RALGDS: variants seen among roughly 807,000 people sequenced by gnomAD.
RALGDS encodes ral guanine nucleotide exchange factor.
In RALGDS, 44 loss-of-function variants were observed where a neutral mutation model predicts 99.8. That is an observed-to-expected ratio of 0.44 (90% CI 0.35 to 0.57). The LOEUF (loss-of-function observed/expected upper bound fraction) is 0.57, where lower values mean the gene tolerates loss of function less well. Ranked by LOEUF, RALGDS falls within the 20% of genes least tolerant of loss-of-function variation. RALGDS has a pLI of 0.01. For missense variants in RALGDS, 1,022 were observed against 1,203.1 expected (o/e 0.85, Z 2.23); for synonymous variants, 529 against 505.0 (o/e 1.05, Z -0.64).
rs757560244 is a variant in RALGDS at position 133,112,131 on chromosome 9, C to T, written c.205G>A (p.Glu69Lys). 6.4e-7 allele frequency: 1 copy of T among 1,571,242 alleles called. No individual in the cohort carries two copies. The highest frequency in any genetic ancestry group is 8.6e-7 in the Non-Finnish European group (1 of 1,157,340). The change falls in exon 2 of 18, where the codon GAG becomes AAG. Residue 69 changes from glutamate to lysine, a missense_variant. Physicochemically the swap from Glu to Lys is moderately conservative, Grantham distance 56. This residue lies in a region of RALGDS where 180 missense variants were observed against 169.3 expected (regional missense o/e 1.06). Coordinates refer to ENST00000372050, the MANE Select transcript of RALGDS (RefSeq NM_006266.4). ...TAGATGACTCCGTTGATCAGCTCCT[C>T]ACCGATCTCCTGCGTGGAGCTCTGT... ...RPESSTQEIGEELINGVIYSI... is the reference protein window; with the variant it reads ...RPESSTQEIGKELINGVIYSI...
chr9:133,113,878 C>T (rs563586531), intron 1 of RALGDS, among the ~76,000 whole-genome samples: 17 of 152,302 alleles, frequency 1.1e-4, no homozygotes, highest in African/African-American at 4.1e-4. Context: ...TCTGAGATCT[C>T]GTGCAGGACA....
upstream of RALGDS, among the ~76,000 whole-genome samples, chr9:133,122,434 C>A (rs1267961078): frequency 6.6e-6 from 1 of 152,228 alleles, no homozygotes; most frequent in Non-Finnish European, 1.5e-5. Context: ...CATCTGTAAA[C>A]TGAGAGGGCG....
chr9:133,101,009 A>G, intron 16 of RALGDS: 2 of 1,054,408 alleles, frequency 1.9e-6, no homozygotes, highest in Non-Finnish European at 2.3e-6. Context: ...AGGATGAAGA[A>G]AGAGCCCCCA....
intron 7 of RALGDS, 140 bp downstream of exon 7, chr9:133,106,945 C>T (rs1302906908): frequency 3.0e-6 from 3 of 1,010,240 alleles, no homozygotes; most frequent in Non-Finnish European, 4.5e-6. Flanking sequence ...CGTGAGCATC[C>T]AGGCAGTGGG....
chr9:133,146,797 CAG>C (rs1292747264), intron 1 of RALGDS, among the ~76,000 whole-genome samples: 2 of 152,340 alleles, frequency 1.3e-5, no homozygotes, highest in South Asian at 2.1e-4. Context: ...GCCTGCCCTA[CAG>C]AGAGACCCAC....
At chr9:133,108,604 T>G in intron 5 of RALGDS, 69 bp downstream of exon 5, 1 of 1,579,554 alleles carries the variant, frequency 6.3e-7, no homozygotes, top group South Asian at 1.1e-5. Context: ...CCCTGGAGCC[T>G]CCTCTTCGTG....
chr9:133,108,448 G>A (rs1199325895), intron 5 of RALGDS, 42 bp from the exon 6 acceptor site: 5 of 1,517,052 alleles, frequency 3.3e-6, no homozygotes, highest in Admixed American at 2.0e-5. Flanking sequence ...AGCCTTTCCT[G>A]TGCCTTTCCA....
At chr9:133,102,199 C>T (rs76832424) in intron 14 of RALGDS, 60 bp from the exon 15 acceptor site, 246,367 of 1,505,312 alleles carry the variant, frequency 0.16, 21,046 homozygotes, top group East Asian at 0.27. Context: ...AACCCCACAG[C>T]CCCTGCACCC....
Position 133,108,347 on chromosome 9 carries a change from C to T in RALGDS, c.838G>A (p.Ala280Thr). 1 of 1,541,040 alleles carries T rather than the reference C, an allele frequency of 6.5e-7. No individual in the cohort carries two copies. Among genetic ancestry groups the T allele is most frequent in the African/African-American group, 1.4e-5 (1 of 73,168 alleles). The change falls in exon 6 of 18, where the codon GCT (alanine) becomes ACT (threonine). Residue 280 changes from alanine to threonine, a missense_variant. Transcript: ENST00000372050. ...GCCGGCACTGGGCTGGGTGCTCGAG[C>T]TGGTGTTAGAGCTAGCTCGAGCTCT... ...TPELELALTP[A>T]RAPSPVPAPA...
In RALGDS at chr9:133,107,199, A is replaced by G; in HGVS notation, c.1299T>C (p.Thr433=). The change falls in exon 7 of 18, where the codon ACT becomes ACC. Residue 433 remains threonine, a synonymous_variant. Coordinates refer to ENST00000372050, the MANE Select transcript of RALGDS (RefSeq NM_006266.4). ...TGGCCACACTGTTGAACTGGGTGAC[A>G]GTGGCGCGGATGGTGGGCGCCAGGT... ...KEHLAPTIRA[T]VTQFNSVANC... 1.4e-5 allele frequency: 23 copies of G among 1,613,750 alleles called. No homozygotes were observed. The highest frequency in any genetic ancestry group is 1.9e-5 in the Non-Finnish European group (22 of 1,180,032).
upstream of RALGDS, among the ~76,000 whole-genome samples, chr9:133,136,112 C>T (rs572318227): frequency 1.3e-5 from 2 of 152,232 alleles, no homozygotes; most frequent in South Asian, 4.1e-4. Context: ...AGGTGCCGGG[C>T]ACTATTCAAG....
At chr9:133,127,219 G>A (rs1832189556) in intron 1 of RALGDS, among the ~76,000 whole-genome samples, 1 of 152,286 alleles carries the variant, frequency 6.6e-6, no homozygotes, top group Non-Finnish European at 1.5e-5. Context: ...GCCCCAGACA[G>A]TGGGCTTTGG....
Position 133,107,979 on chromosome 9 carries a change from G to A in RALGDS, c.1197+9C>T, listed in dbSNP as rs749351512. The A allele has an allele frequency of 6.2e-7, 1 of 1,612,938 alleles. No homozygotes were observed. Among genetic ancestry groups the A allele is most frequent in the South Asian group, 1.1e-5 (1 of 91,086 alleles). The stretch of plus-strand genomic sequence containing the variant: ...GCCCACCCCTGCCCTGCCAAGCTGA[G>A]CTGCTCACCGCATCCATCAGTGTAA... On this transcript the variant is annotated intron_variant, in intron 6 of 17. Transcript: ENST00000372050.
At chr9:133,138,209 C>T (rs536435009) in intron 1 of RALGDS, among the ~76,000 whole-genome samples, 93 of 152,332 alleles carry the variant, frequency 6.1e-4, no homozygotes, top group African/African-American at 2.2e-3. Context: ...CTCTTTCTCA[C>T]AGTCCTTTGC....
chr9:133,108,544 C>A, intron 5 of RALGDS, 129 bp downstream of exon 5: 1 of 1,419,634 alleles, frequency 7.0e-7, no homozygotes, highest in South Asian at 1.2e-5. Flanking sequence ...TGCCTGTGGT[C>A]CCTGCCTGTG....
rs915655966 is a variant in RALGDS, at chr9:133,121,236, C to G, written c.-82G>C. 1 of 980,982 alleles carries G rather than the reference C, an allele frequency of 1.0e-6. No homozygotes were observed. 60.8% of individuals were successfully genotyped at this position (980,982 alleles called of 1,614,324 possible). ...CGGCCCGCGCGGCTGGGCTTTGCCA[C>G]CGCTGTGAGCCCGCGGCCCGGCCCT... On this transcript the variant is annotated 5_prime_UTR_variant, in exon 1 of 18. Transcript: ENST00000372050.
At chr9:133,100,627 A>C in intron 16 of RALGDS, 1 of 1,390,720 alleles carries the variant, frequency 7.2e-7, no homozygotes, top group Non-Finnish European at 9.3e-7. Context: ...AGCAGTGCCT[A>C]CCCTGCTTCT....
At chr9:133,103,662 G>T in intron 11 of RALGDS, 85 bp downstream of exon 11, 1 of 1,351,406 alleles carries the variant, frequency 7.4e-7, no homozygotes, top group Non-Finnish European at 1.1e-6. Flanking sequence ...ACTCATTGCT[G>T]GGACAGGTGT....
In RALGDS at chr9:133,103,154, T is replaced by A. The variant is rs962189692; in HGVS notation, c.1791+76A>T. 6 of 1,561,060 alleles carry A rather than the reference T, an allele frequency of 3.8e-6. No individual in the cohort carries two copies. In the African/African-American group the frequency reaches 6.8e-5, roughly 18 times the overall value. On this transcript the variant is annotated intron_variant, in intron 12 of 17. Transcript: ENST00000372050. ...ATGTCCCATGAATCTAAGGAGAGGGTAGGAGTTGAAATGTCCTACCCTGGT... is the reference window on the plus strand; with the variant it reads ...ATGTCCCATGAATCTAAGGAGAGGGAAGGAGTTGAAATGTCCTACCCTGGT...
Sources: gnomAD v4.1 joint callset for allele counts (sites outside exome capture counted in the v4.1 genomes callset) on GRCh38, gnomAD v4.1.1 for gene constraint, gnomAD v4.1.1 regional missense constraint, MANE v1.5 for transcripts, NCBI Gene and HGNC (gene_info 2026-07-23, HGNC 2026-07-21) for gene names.